The following PPP1R1C variants were observed in gnomAD, a reference collection of about 807,000 sequenced individuals.
PPP1R1C encodes the protein protein phosphatase 1 regulatory inhibitor subunit 1C, also known as protein phosphatase 1 regulatory subunit 1C.
A neutral mutation model predicts 17.4 loss-of-function variants in PPP1R1C; 15 were observed. That is an observed-to-expected ratio of 0.86 (90% CI 0.58 to 1.33). PPP1R1C has a LOEUF of 1.33. Among genes scored for constraint, PPP1R1C ranks in the 40% most tolerant of loss-of-function variants. The pLI, the probability that PPP1R1C is intolerant of heterozygous loss-of-function variation, is 0.00. For missense variants in PPP1R1C, 143 were observed against 130.0 expected (o/e 1.10, Z -0.48); for synonymous variants, 35 against 43.1 (o/e 0.81, Z 0.73).
chr2:182,033,417 A>G (rs547346698), intron 2 of PPP1R1C, among the ~76,000 whole-genome samples: 1 of 152,298 alleles, frequency 6.6e-6, no homozygotes, highest in South Asian at 2.1e-4. Context: ...TGGATGTTTA[A>G]CTCTGGTTGT....
At chr2:182,130,034 A>T (rs1689970783), downstream of PPP1R1C, 1 of 152,158 alleles carries the variant, frequency 6.6e-6, no homozygotes, top group Non-Finnish European at 1.5e-5. Flanking sequence ...CCTATGTCTA[A>T]ATCTATATTT....
rs1179577312 is a variant in PPP1R1C at position 181,976,806 on chromosome 2, G to A, written n.157+1542G>A. Among the ~76,000 whole-genome samples the A allele has an allele frequency of 6.6e-6, 1 of 151,998 alleles. No individual in the cohort carries two copies. The highest frequency in any genetic ancestry group is 1.5e-5 in the Non-Finnish European group (1 of 67,988). ...CTGTAAGGTCCCATGTTTGAAGGAGGCTTTCTTTTAACTGTCAAGGTGTTT... is the reference window on the plus strand; with the variant it reads ...CTGTAAGGTCCCATGTTTGAAGGAGACTTTCTTTTAACTGTCAAGGTGTTT... On this transcript the variant is annotated intron_variant and non_coding_transcript_variant, in intron 2 of 5. Transcript: ENST00000464264. This position sits in a 1 kb window ranked among gnomAD's most constrained non-coding sequence, Gnocchi z 4.8.
downstream of PPP1R1C, among the ~76,000 whole-genome samples, chr2:182,119,513 G>A (rs1349435187): frequency 8.5e-5 from 13 of 152,174 alleles, no homozygotes; most frequent in Middle Eastern, 3.2e-3. Context: ...CTAGTTTACA[G>A]TCCCAACAAC....
At chr2:182,077,731 G>A (rs1688355701) in intron 4 of PPP1R1C, among the ~76,000 whole-genome samples, 1 of 152,142 alleles carries the variant, frequency 6.6e-6, no homozygotes, top group African/African-American at 2.4e-5. Flanking sequence ...GGCAAGGAGG[G>A]TTGACTCAGT....
At chr2:182,126,401 A>T (rs994345854) in intron 5 of PPP1R1C, among the ~76,000 whole-genome samples, 85 of 152,232 alleles carry the variant, frequency 5.6e-4, no homozygotes, top group African/African-American at 2.0e-3. Context: ...ATTAATTAAT[A>T]AGAAATGTCT....
intron 2 of PPP1R1C, among the ~76,000 whole-genome samples, chr2:182,039,789 A>T (rs1687126287): frequency 6.6e-6 from 1 of 152,080 alleles, no homozygotes; most frequent in Non-Finnish European, 1.5e-5. Context: ...TGTAGTTTTT[A>T]ATCCTTCACC....
At chr2:182,062,787 A>C (rs1559077473) in intron 3 of PPP1R1C, among the ~76,000 whole-genome samples, 1 of 152,134 alleles carries the variant, frequency 6.6e-6, no homozygotes, top group Admixed American at 6.6e-5. Context: ...AACTTTGTAC[A>C]TTATGTTCTT....
chr2:181,987,936 G>A (rs755576608), intron 2 of PPP1R1C, 37 bp downstream of exon 2: 2 of 1,529,310 alleles, frequency 1.3e-6, no homozygotes, highest in Non-Finnish European at 1.8e-6. Flanking sequence ...TGATGGAACA[G>A]AATGGAATTG....
Position 182,117,384 on chromosome 2 carries a change from A to G in PPP1R1C, c.*89A>G. 1.1e-6 allele frequency: 1 copy of G among 914,862 alleles called. No individual in the cohort carries two copies. Among genetic ancestry groups the G allele is most frequent in the South Asian group, 1.6e-5 (1 of 63,388 alleles). The allele number at this position is 914,862 out of a possible 1,614,324, so 56.7% of individuals were successfully genotyped here. ...CATGGAATTCCACTGCTTGACTTCC[A>G]GAAGCATCCTCCATCTCTGCACCCC... is the stretch of plus-strand genomic sequence containing the variant. On this transcript the variant is annotated 3_prime_UTR_variant, in exon 5 of 5. Coordinates refer to ENST00000682840, the MANE Select transcript of PPP1R1C (RefSeq NM_001080545.3).
rs75361439 is a variant in PPP1R1C at position 182,080,304 on chromosome 2, G to A, written c.241+16513G>A. Among the ~76,000 whole-genome samples the A allele has an allele frequency of 8.1e-3, 1,230 of 152,208 alleles. 15 individuals carry two copies. Among genetic ancestry groups the A allele is most frequent in the African/African-American group, 0.029 (1,194 of 41,516 alleles). On this transcript the variant is annotated intron_variant, in intron 4 of 4. Transcript: ENST00000682840. Reference sequence around the variant, plus strand: ...ACTGCCTTTATGTTCATCCCCAAACGAAAACCAGGGGATCCTCCAATTCCT... The same window carrying A: ...ACTGCCTTTATGTTCATCCCCAAACAAAAACCAGGGGATCCTCCAATTCCT...
chr2:182,006,812 A>C (rs780707153), intron 2 of PPP1R1C, among the ~76,000 whole-genome samples: 8 of 152,202 alleles, frequency 5.3e-5, no homozygotes, highest in Non-Finnish European at 1.0e-4. Flanking sequence ...CAATTATCAA[A>C]GTGACAATCA....
intron 2 of PPP1R1C, among the ~76,000 whole-genome samples, chr2:182,054,653 G>C (rs1280553618): frequency 7.2e-6 from 1 of 138,050 alleles, no homozygotes. Context: ...GTGTGTGTAA[G>C]TGTGTGTGTG....
In PPP1R1C at chr2:182,038,662, AG is replaced by A. The variant is rs533656306; in HGVS notation, c.143-22778del. Among the ~76,000 whole-genome samples the A allele has an allele frequency of 5.7e-3, 865 of 152,300 alleles. 8 individuals carry two copies. The highest frequency in any genetic ancestry group is 9.2e-3 in the Non-Finnish European group (628 of 68,020). ...TTAAAGTCGACTGCATACAGAAGAA[AG>A]GAAAAGGGTTTTTGTGAATCAAATC... On this transcript the variant is annotated intron_variant, in intron 2 of 4. Coordinates refer to ENST00000682840, the MANE Select transcript of PPP1R1C (RefSeq NM_001080545.3).
At chr2:181,964,370 A>T (rs1303871221) in intron 1 of PPP1R1C, among the ~76,000 whole-genome samples, 1 of 152,202 alleles carries the variant, frequency 6.6e-6, no homozygotes, top group Admixed American at 6.5e-5. Context: ...TGGTTTGTTG[A>T]TGGACACTTA....
intron 5 of PPP1R1C, among the ~76,000 whole-genome samples, chr2:182,126,055 G>T (rs1689865027): frequency 6.6e-6 from 1 of 151,806 alleles, no homozygotes; most frequent in Admixed American, 6.6e-5. Flanking sequence ...ATTTAGGGAA[G>T]CACTGGTTTT....
intron 2 of PPP1R1C, among the ~76,000 whole-genome samples, chr2:182,002,708 TTTA>T (rs1685801350): frequency 6.6e-6 from 1 of 152,122 alleles, no homozygotes; most frequent in Admixed American, 6.5e-5. Context: ...CATGACATTG[TTTA>T]TTAATATGCT....
At position 182,127,124 on chromosome 2, in the gene PPP1R1C, A is replaced by G. The variant is rs540431510; in HGVS notation, c.*7-1850A>G. Among the ~76,000 whole-genome samples the G allele has an allele frequency of 7.9e-5, 12 of 152,240 alleles. No individual in the cohort carries two copies. The East Asian group carries it at 2.1e-3, about 27-fold the overall frequency. On this transcript the variant is annotated intron_variant, in intron 5 of 5. Coordinates refer to the PPP1R1C transcript ENST00000280295. ...ATATTCAGCAAATAATTCTTCAGAC[A>G]AAGTGTTAACTTACAAGGCAGACAG... is the stretch of plus-strand genomic sequence containing the variant.
chr2:182,099,300 T>C (rs1172196302), intron 4 of PPP1R1C, among the ~76,000 whole-genome samples: 1 of 152,176 alleles, frequency 6.6e-6, no homozygotes, highest in African/African-American at 2.4e-5. Context: ...AGGAAACTAA[T>C]AGGGGAAGCA....
At position 182,117,486 on chromosome 2, in the gene PPP1R1C, T is replaced by A; in HGVS notation, c.*191T>A. 1 of 480,808 alleles carries A rather than the reference T, an allele frequency of 2.1e-6. No homozygotes were observed. The allele number at this position is 480,808 out of a possible 1,614,324, so 29.8% of individuals were successfully genotyped here. A position where few individuals can be genotyped will look rare whatever the true frequency, so the allele number is the denominator to read the frequency against. On this transcript the variant is annotated 3_prime_UTR_variant, in exon 5 of 5. Coordinates refer to ENST00000682840, the MANE Select transcript of PPP1R1C (RefSeq NM_001080545.3). ...AGAACTAAGTACACATTGTTCCACA[T>A]CACTTATAATTAAAGAATAAGCATT...
Sources: gnomAD v4.1 joint callset for allele counts (sites outside exome capture counted in the v4.1 genomes callset) on GRCh38, gnomAD v4.1.1 for gene constraint, Gnocchi (gnomAD v3.1) non-coding constraint, MANE v1.5 for transcripts, NCBI Gene and HGNC (gene_info 2026-07-23, HGNC 2026-07-21) for gene names.